RAB2A: variants seen among roughly 807,000 people sequenced by gnomAD.
RAB2A encodes RAB2A, member RAS oncogene family.
In RAB2A, 7 loss-of-function variants were observed where a neutral mutation model predicts 32.5. The ratio of observed to expected loss-of-function variants is 0.22; its 90% CI spans 0.12 to 0.40. RAB2A has a LOEUF of 0.40. RAB2A is among the 10% of genes least tolerant of loss of function. The probability of loss-of-function intolerance (pLI) is 1.00; values close to 1 mark genes in which losing one functional copy is unlikely to be tolerated. For missense variants in RAB2A, 108 were observed against 260.7 expected (o/e 0.41, Z 4.03); for synonymous variants, 79 against 85.2 (o/e 0.93, Z 0.40).
Position 60,621,860 on chromosome 8 carries a change from A to G in RAB2A, c.*1091A>G, listed in dbSNP as rs1197450879. ...TTGAAGGGGATATGACAATAAATCTATCAGATGGAAAATCCTGTTACAAAG... is the reference window on the plus strand; with the variant it reads ...TTGAAGGGGATATGACAATAAATCTGTCAGATGGAAAATCCTGTTACAAAG... On this transcript the variant is annotated 3_prime_UTR_variant, in exon 8 of 8. Coordinates refer to ENST00000262646, the MANE Select transcript of RAB2A (RefSeq NM_002865.3). The G allele has an allele frequency of 6.6e-6, 1 of 152,326 alleles. No individual in the cohort carries two copies. The highest frequency in any genetic ancestry group is 1.5e-5 in the Non-Finnish European group (1 of 68,020). The allele number at this position is 152,326 out of a possible 1,614,324, so 9.4% of individuals were successfully genotyped here. A position where few individuals can be genotyped will look rare whatever the true frequency, so the allele number is the denominator to read the frequency against.
intron 6 of RAB2A, among the ~76,000 whole-genome samples, chr8:60,609,244 C>T (rs602724): frequency 0.24 from 36,041 of 152,072 alleles, 4,329 homozygotes; most frequent in Middle Eastern, 0.39. Context: ...CCCTTCCTTC[C>T]GACTTGATCC....
intron 6 of RAB2A, among the ~76,000 whole-genome samples, chr8:60,610,996 C>A (rs1377843108): frequency 6.6e-6 from 1 of 152,164 alleles, no homozygotes; most frequent in East Asian, 1.9e-4. Context: ...TCATGGTATA[C>A]CCTTTTATCT....
chr8:60,573,720 G>A (rs1200939193), intron 3 of RAB2A, among the ~76,000 whole-genome samples: 1 of 152,162 alleles, frequency 6.6e-6, no homozygotes. Context: ...TTTTTTCCTA[G>A]AGATTTAAAA....
rs971792283 is a variant in RAB2A at position 60,566,635 on chromosome 8, G to A, written c.119-5411G>A. On this transcript the variant is annotated intron_variant, in intron 2 of 7. Coordinates refer to ENST00000262646, the MANE Select transcript of RAB2A (RefSeq NM_002865.3). ...TTTAAATTTTATTTTAGATATGGGG[G>A]TACATGTGCATGTTTGTTACATGAG... 3.9e-5 allele frequency among the ~76,000 whole-genome samples: 6 copies of A among 152,010 alleles called. No individual in the cohort carries two copies. The South Asian group carries it at 1.0e-3, about 26-fold the overall frequency.
At chr8:60,577,954 T>C (rs1803672169) in intron 3 of RAB2A, among the ~76,000 whole-genome samples, 1 of 152,138 alleles carries the variant, frequency 6.6e-6, no homozygotes, top group South Asian at 2.1e-4. Flanking sequence ...GGTCTAAATT[T>C]TTAAGTTGAG....
chr8:60,584,735 C>T lies in RAB2A; in HGVS notation c.282C>T (p.Phe94=). Residue 94 remains phenylalanine, a synonymous_variant, in exon 5 of 8, where the codon TTC becomes TTT. Coordinates refer to ENST00000262646, the MANE Select transcript of RAB2A (RefSeq NM_002865.3). ...TATTTATGTTTAGGAGAGATACATT[C>T]AACCACTTGACAACCTGGTTAGAAG... is the stretch of plus-strand genomic sequence containing the variant. ...LVYDITRRDT[F]NHLTTWLEDA... is the part of the protein sequence containing the mutation. 1 of 1,611,140 alleles carries T rather than the reference C, an allele frequency of 6.2e-7. No homozygotes were observed. Among genetic ancestry groups the T allele is most frequent in the Non-Finnish European group, 8.5e-7 (1 of 1,177,614 alleles).
At chr8:60,609,581 G>T (rs914574088) in intron 6 of RAB2A, among the ~76,000 whole-genome samples, 2 of 152,122 alleles carry the variant, frequency 1.3e-5, no homozygotes, top group Admixed American at 6.5e-5. Context: ...CTTTCATTCT[G>T]GTTATGCTTT....
chr8:60,577,792 A>ATTTTTTTT (rs3055112), intron 3 of RAB2A, among the ~76,000 whole-genome samples: 29 of 112,936 alleles, frequency 2.6e-4, no homozygotes, highest in Non-Finnish European at 3.8e-4. Context: ...CGCCCGGCTA[A>ATTTTTTTT]TTTTTTTTTT....
chr8:60,560,555 T>C (rs1388380666), intron 2 of RAB2A, among the ~76,000 whole-genome samples: 2 of 152,340 alleles, frequency 1.3e-5, no homozygotes, highest in East Asian at 1.9e-4. Context: ...TAGAATCTTA[T>C]GTATAAATTT....
chr8:60,518,321 T>C (rs1807244022), intron 1 of RAB2A, among the ~76,000 whole-genome samples: 1 of 152,094 alleles, frequency 6.6e-6, no homozygotes, highest in South Asian at 2.1e-4. Flanking sequence ...AAGCAGCAGT[T>C]TGTAGTTGAA....
intron 3 of RAB2A, among the ~76,000 whole-genome samples, chr8:60,573,590 T>A (rs1296778878): frequency 6.6e-6 from 1 of 152,204 alleles, no homozygotes; most frequent in Admixed American, 6.5e-5. Flanking sequence ...GTCATACTTT[T>A]ACTATTTCTC....
At chr8:60,599,264 T>TA (rs1424817020) in intron 6 of RAB2A, among the ~76,000 whole-genome samples, 1 of 152,142 alleles carries the variant, frequency 6.6e-6, no homozygotes, top group Non-Finnish European at 1.5e-5. Flanking sequence ...CAAAACTACT[T>TA]ACAGTGGTGA....
At chr8:60,611,768 A>G (rs1383868072) in intron 6 of RAB2A, among the ~76,000 whole-genome samples, 5 of 152,198 alleles carry the variant, frequency 3.3e-5, no homozygotes, top group African/African-American at 1.2e-4. Flanking sequence ...ACTTGGAGTA[A>G]AATTTTTCTT....
intron 6 of RAB2A, among the ~76,000 whole-genome samples, chr8:60,603,893 GAAAGA>G (rs745464967): frequency 2.0e-5 from 3 of 152,054 alleles, no homozygotes; most frequent in Non-Finnish European, 4.4e-5. Context: ...GGGAGGAGAA[GAAAGA>G]AAAGAAAAGA....
Position 60,591,886 on chromosome 8 carries a change from A to G in RAB2A, c.391A>G (p.Lys131Glu). 1.9e-6 allele frequency: 3 copies of G among 1,612,340 alleles called. No homozygotes were observed. Among genetic ancestry groups the G allele is most frequent in the South Asian group, 2.2e-5 (2 of 90,964 alleles). ...SDLESRREVK[K>E]EEGEAFAREH... ...TTTAGAATCTAGAAGAGAAGTAAAA[A>G]AAGAAGAAGGTGAAGCTTTTGCACG... The change falls in exon 6 of 8, where the codon AAA becomes GAA. Residue 131 changes from lysine to glutamate, a missense_variant. By Grantham distance (56) the Lys-to-Glu change is moderately conservative. Coordinates refer to ENST00000262646, the MANE Select transcript of RAB2A (RefSeq NM_002865.3).
chr8:60,524,690 C>G (rs1807352326), intron 1 of RAB2A, among the ~76,000 whole-genome samples: 1 of 152,186 alleles, frequency 6.6e-6, no homozygotes, highest in Non-Finnish European at 1.5e-5. Context: ...GGTTCTCATC[C>G]ATGGAAATGC....
chr8:60,566,571 A>G (rs559867140), intron 2 of RAB2A, among the ~76,000 whole-genome samples: 2 of 152,210 alleles, frequency 1.3e-5, no homozygotes, highest in East Asian at 3.9e-4. Context: ...ATAAATTTGC[A>G]TTCTATTTGG....
Position 60,622,513 on chromosome 8 carries a change from A to G in RAB2A, c.*1744A>G, listed in dbSNP as rs1586122313. ...ATCAAATTCACTGGTCTTACTAATC[A>G]CTGTCTTTACCAGTGAGTACAAAAA... is the stretch of plus-strand genomic sequence containing the variant. On this transcript the variant is annotated 3_prime_UTR_variant, in exon 8 of 8. Coordinates refer to ENST00000262646, the MANE Select transcript of RAB2A (RefSeq NM_002865.3). 6.6e-6 allele frequency: 1 copy of G among 152,170 alleles called. No homozygotes were observed. Among genetic ancestry groups the G allele is most frequent in the Non-Finnish European group, 1.5e-5 (1 of 68,036 alleles). 9.4% of individuals were successfully genotyped at this position (152,170 alleles called of 1,614,324 possible).
intron 6 of RAB2A, among the ~76,000 whole-genome samples, chr8:60,606,081 G>A (rs529023465): frequency 4.9e-4 from 75 of 152,148 alleles, no homozygotes; most frequent in African/African-American, 1.8e-3. Flanking sequence ...TCAGGGAGGC[G>A]GAAGTTGCAG....
Sources: gnomAD v4.1 joint callset for allele counts (sites outside exome capture counted in the v4.1 genomes callset) on GRCh38, gnomAD v4.1.1 for gene constraint, MANE v1.5 for transcripts, NCBI Gene and HGNC (gene_info 2026-07-23, HGNC 2026-07-21) for gene names.